Variants in TBCK observed in about 807,000 individuals in gnomAD.
The protein encoded by TBCK is TBC domain-containing protein kinase-like protein.
Under a neutral mutation model 113.4 loss-of-function variants are expected in TBCK, and 99 were observed. The observed-to-expected ratio is 0.87, with a 90% CI of 0.74 to 1.03. The LOEUF (loss-of-function observed/expected upper bound fraction) is 1.03. Ranked by LOEUF, TBCK falls within the 50% of genes least tolerant of loss-of-function variation. TBCK has a pLI of 0.00. For missense variants in TBCK, 1,045 were observed against 1,061.3 expected (o/e 0.98, Z 0.21); for synonymous variants, 369 against 370.8 (o/e 1.00, Z 0.05).
At chr4:106,173,102 T>C (rs1322728552) in intron 22 of TBCK, among the ~76,000 whole-genome samples, 1 of 152,082 alleles carries the variant, frequency 6.6e-6, no homozygotes, top group Non-Finnish European at 1.5e-5. Context: ...CAAAAAGAGG[T>C]CAGATTTCAT....
At chr4:106,147,173 T>C (rs1747898262) in intron 23 of TBCK, among the ~76,000 whole-genome samples, 1 of 152,158 alleles carries the variant, frequency 6.6e-6, no homozygotes, top group African/African-American at 2.4e-5. Context: ...TCAATGAGGG[T>C]TGGAATCAAC....
At chr4:106,085,039 T>A (rs928530713) in intron 25 of TBCK, among the ~76,000 whole-genome samples, 1 of 152,146 alleles carries the variant, frequency 6.6e-6, no homozygotes, top group Non-Finnish European at 1.5e-5. Context: ...CTGCATCAAC[T>A]AGTATGCAAA....
intron 19 of TBCK, among the ~76,000 whole-genome samples, chr4:106,219,433 T>G (rs1757409093): frequency 6.6e-6 from 1 of 150,986 alleles, no homozygotes; most frequent in Middle Eastern, 3.4e-3. Flanking sequence ...AAAAAAGACA[T>G]AAGAATACCA....
rs201271809 is a variant in TBCK, at chr4:106,242,490, A to G, written c.1150T>C (p.Ser384Pro). 2 of 1,605,106 alleles carry G rather than the reference A, an allele frequency of 1.2e-6. No homozygotes were observed. The highest frequency in any genetic ancestry group is 1.7e-6 in the Non-Finnish European group (2 of 1,176,036). The change falls in exon 12 of 26, where the codon TCG becomes CCG. Residue 384 changes from serine to proline, a missense_variant. Transcript: ENST00000394708. ...CTTACATTTCTTAGCTGGCATAACG[A>G]CAATGTCACAGTGGTATCATCTAAA... Reference protein sequence around the residue: ...SLLDDTTVTLSLCQLRNRLKD... With the variant: ...SLLDDTTVTLPLCQLRNRLKD...
chr4:106,192,040 A>C (rs1044438886), intron 22 of TBCK, among the ~76,000 whole-genome samples: 2 of 152,170 alleles, frequency 1.3e-5, no homozygotes, highest in South Asian at 4.1e-4. Context: ...TACCATCTGT[A>C]AAGTAAACCC....
intron 22 of TBCK, among the ~76,000 whole-genome samples, chr4:106,178,792 C>T (rs1751992444): frequency 6.6e-6 from 1 of 151,638 alleles, no homozygotes; most frequent in African/African-American, 2.4e-5. Context: ...AGTATCCTCT[C>T]CTCTTCATTT....
chr4:106,307,280 T>C (rs2125889133), intron 2 of TBCK, among the ~76,000 whole-genome samples: 1 of 152,230 alleles, frequency 6.6e-6, no homozygotes, highest in Non-Finnish European at 1.5e-5. Flanking sequence ...GGTTTAATTT[T>C]CTTATCTGTA....
At chr4:106,148,437 G>C (rs2149674426) in intron 23 of TBCK, among the ~76,000 whole-genome samples, 1 of 152,242 alleles carries the variant, frequency 6.6e-6, no homozygotes, top group Non-Finnish European at 1.5e-5. Context: ...CAAACCAGCT[G>C]ACGCTTAGGG....
At chr4:106,243,299 G>A (rs1760383049) in intron 11 of TBCK, among the ~76,000 whole-genome samples, 1 of 152,070 alleles carries the variant, frequency 6.6e-6, no homozygotes, top group Admixed American at 6.6e-5. Context: ...AACTCAATGT[G>A]TTCCCAAGAA....
chr4:106,270,090 T>C (rs1406867194), intron 3 of TBCK, among the ~76,000 whole-genome samples: 2 of 152,060 alleles, frequency 1.3e-5, no homozygotes, highest in African/African-American at 4.8e-5. Context: ...CAAAACAAAA[T>C]AAACAAAAAG....
At chr4:106,128,749 C>T (rs1044748153) in intron 23 of TBCK, among the ~76,000 whole-genome samples, 22 of 151,980 alleles carry the variant, frequency 1.4e-4, no homozygotes, top group African/African-American at 5.3e-4. Context: ...TAAAATAAAT[C>T]ATATTTTCTA....
At chr4:106,264,851 G>T (rs957064310) in intron 3 of TBCK, among the ~76,000 whole-genome samples, 1 of 151,818 alleles carries the variant, frequency 6.6e-6, no homozygotes, top group South Asian at 2.1e-4. Context: ...ATATTTTCAT[G>T]CACGGCGCAT....
intron 25 of TBCK, among the ~76,000 whole-genome samples, chr4:106,064,062 A>AG (rs1376824385): frequency 6.6e-6 from 1 of 151,796 alleles, no homozygotes; most frequent in Non-Finnish European, 1.5e-5. Flanking sequence ...GAGCCGGGAG[A>AG]GGGGGGAAAA....
At chr4:106,251,788 A>G (rs537707502) in intron 6 of TBCK, 78 bp downstream of exon 6, 3 of 1,265,510 alleles carry the variant, frequency 2.4e-6, no homozygotes, top group Non-Finnish European at 3.1e-6. Flanking sequence ...ACATACTATT[A>G]TTAACTTTCC....
chr4:106,262,371 T>C (rs535018217), intron 3 of TBCK, among the ~76,000 whole-genome samples, 159 bp from the exon 4 acceptor site: 1 of 152,216 alleles, frequency 6.6e-6, no homozygotes, highest in African/African-American at 2.4e-5. Context: ...CTAAAATATC[T>C]ACCTCTACAT....
rs1328508243 is a variant in TBCK, at chr4:106,236,822, G to T, written c.1171-14C>A. 7 of 1,466,248 alleles carry T rather than the reference G, an allele frequency of 4.8e-6. No homozygotes were observed. The highest frequency in any genetic ancestry group is 1.5e-5 in the African/African-American group (1 of 68,604). The allele number at this position is 1,466,248 out of a possible 1,614,324, so 90.8% of individuals were successfully genotyped here. Reference sequence around the variant, plus strand: ...ATCTTTCAATCTCTGTGTATTTAAAGACAAAATATTTATGTATAAACATAT... The same window carrying T: ...ATCTTTCAATCTCTGTGTATTTAAATACAAAATATTTATGTATAAACATAT... On this transcript the variant is annotated splice_polypyrimidine_tract_variant and intron_variant, in intron 12 of 25. Transcript: ENST00000394708.
chr4:106,047,631 C>G (rs1040044101), intron 25 of TBCK, among the ~76,000 whole-genome samples: 1 of 152,190 alleles, frequency 6.6e-6, no homozygotes, highest in Non-Finnish European at 1.5e-5. Context: ...GAATCTCAAT[C>G]TTTGGCCTTA....
chr4:106,090,130 G>A lies in TBCK; in HGVS notation c.2571+5352C>T, dbSNP rs373960172. Among the ~76,000 whole-genome samples the A allele has an allele frequency of 5.9e-5, 9 of 152,350 alleles. No individual in the cohort carries two copies. In the East Asian group the frequency reaches 7.7e-4, roughly 13 times the overall value. On this transcript the variant is annotated intron_variant, in intron 25 of 25. Transcript: ENST00000394708. ...CCTGGGTATCCAGACTTCCCCACAC[G>A]TGCTCTGGAATCCAGGTGGGAGTTG...
rs1216677715 is a variant in TBCK at position 106,251,896 on chromosome 4, A to G, written c.567T>C (p.Ser189=). 1 of 1,608,636 alleles carries G rather than the reference A, an allele frequency of 6.2e-7. No individual in the cohort carries two copies. ...AAAGCTCAAATAAAATGATTCCAAG[A>G]GACCATACATCTGATTTGGGGCCAG... The part of the protein sequence containing the change: ...LPSGPKSDVW[S]LGIILFELCV... Residue 189 remains serine, a synonymous_variant, in exon 6 of 26, where the codon TCT becomes TCC. Coordinates refer to ENST00000394708, the MANE Select transcript of TBCK (RefSeq NM_001163435.3).
Sources: allele counts gnomAD v4.1 joint callset (sites outside exome capture counted in the v4.1 genomes callset), GRCh38; gene constraint gnomAD v4.1.1; transcripts MANE v1.5; gene names NCBI Gene and HGNC (gene_info 2026-07-23, HGNC 2026-07-21).